Variants in ETNK1 observed in about 807,000 individuals in gnomAD.
The protein encoded by ETNK1 is putative protein product of Nbla10396.
Under a neutral mutation model 45.1 loss-of-function variants are expected in ETNK1, and 8 were observed. That is an observed-to-expected ratio of 0.18 (90% confidence interval 0.10 to 0.32). The LOEUF is 0.32. ETNK1 is among the 10% of genes least tolerant of loss of function. The pLI is 1.00. For synonymous variants in ETNK1, 152 were observed against 151.9 expected (o/e 1.00, Z -0.01); for missense variants, 302 against 430.6 (o/e 0.70, Z 2.64).
intron 1 of ETNK1, among the ~76,000 whole-genome samples, chr12:22,629,286 C>A (rs1020849930): frequency 1.3e-5 from 2 of 152,032 alleles, no homozygotes; most frequent in African/African-American, 2.4e-5. Context: ...GCAAAGATTA[C>A]CCAAGAAGTT....
chr12:22,658,874 T>A, intron 2 of ETNK1, 140 bp from the exon 3 acceptor site: 1 of 745,512 alleles, frequency 1.3e-6, no homozygotes. Context: ...TTGCTAAAAC[T>A]GGTTTTTACA....
At chr12:22,678,611 A>C (rs1954183654) in intron 6 of ETNK1, among the ~76,000 whole-genome samples, 1 of 152,226 alleles carries the variant, frequency 6.6e-6, no homozygotes, top group Non-Finnish European at 1.5e-5. Context: ...TCAATAGATG[A>C]GGTACATTAA....
At chr12:22,666,326 A>G (rs917966200) in intron 4 of ETNK1, among the ~76,000 whole-genome samples, 8 of 152,202 alleles carry the variant, frequency 5.3e-5, no homozygotes, top group East Asian at 3.8e-4. Context: ...TAAGGAAACC[A>G]AAAGCAGCAG....
intron 2 of ETNK1, among the ~76,000 whole-genome samples, chr12:22,647,823 C>G (rs1953825192): frequency 6.6e-6 from 1 of 151,692 alleles, no homozygotes; most frequent in South Asian, 2.1e-4. Flanking sequence ...TCTCTGAAGC[C>G]TTGAGGGTTT....
At chr12:22,671,104 C>A in intron 4 of ETNK1, 168 bp from the exon 5 acceptor site, 2 of 582,546 alleles carry the variant, frequency 3.4e-6, no homozygotes, top group Non-Finnish European at 6.0e-6. Context: ...TTGTAAAGCT[C>A]ATTGCCATAA....
At position 22,685,719 on chromosome 12, in the gene ETNK1, C is replaced by T. The variant is rs375195492; in HGVS notation, c.*765C>T. On this transcript the variant is annotated 3_prime_UTR_variant, in exon 8 of 8. Transcript: ENST00000266517. ...AATGTTTTCAAATGCTAAATATGGT[C>T]GTTACTATTTTCAGTTTTAAAAATT... The T allele has an allele frequency of 1.3e-4, 19 of 151,390 alleles. No homozygotes were observed. The East Asian group carries it at 2.7e-3, about 22-fold the overall frequency. 9.4% of individuals were successfully genotyped at this position (151,390 alleles called of 1,614,324 possible).
chr12:22,673,917 T>G (rs573261265), intron 6 of ETNK1, among the ~76,000 whole-genome samples: 1 of 152,316 alleles, frequency 6.6e-6, no homozygotes, highest in South Asian at 2.1e-4. Flanking sequence ...TAATTATTTG[T>G]TTAATGAGTA....
At chr12:22,637,381 T>G (rs551187058) in intron 1 of ETNK1, among the ~76,000 whole-genome samples, 1 of 152,246 alleles carries the variant, frequency 6.6e-6, no homozygotes, top group Non-Finnish European at 1.5e-5. Context: ...TACTTTGCCT[T>G]GGCCAAGAGT....
At chr12:22,642,951 T>A (rs925691555) in intron 1 of ETNK1, among the ~76,000 whole-genome samples, 1 of 152,016 alleles carries the variant, frequency 6.6e-6, no homozygotes, top group Non-Finnish European at 1.5e-5. Flanking sequence ...AAATACACCG[T>A]CTGTGCTCAA....
chr12:22,684,811 G>T, intron 7 of ETNK1, 71 bp from the exon 8 acceptor site: 2 of 1,214,252 alleles, frequency 1.6e-6, no homozygotes, highest in South Asian at 1.3e-5. Flanking sequence ...TTAGAGGACT[G>T]AGTGAAAATA....
chr12:22,683,274 T>A (rs77753152), intron 6 of ETNK1, among the ~76,000 whole-genome samples: 1 of 151,768 alleles, frequency 6.6e-6, no homozygotes, highest in Non-Finnish European at 1.5e-5. Flanking sequence ...TTTTTTTTTT[T>A]AAGAGACAGT....
chr12:22,644,242 A>C (rs1341602025), intron 2 of ETNK1: 1 of 1,607,422 alleles, frequency 6.2e-7, no homozygotes, highest in South Asian at 1.1e-5. Flanking sequence ...CAAAGGAAAA[A>C]CTACAAGATG....
chr12:22,688,545 T>C lies in ETNK1; in HGVS notation c.*3591T>C, dbSNP rs1954279173. ...CTTCATAATATAAGTGAAAATACTG[T>C]CATTTCAATTTTCTGCTTTAAATTG... On this transcript the variant is annotated 3_prime_UTR_variant, in exon 8 of 8. Transcript: ENST00000266517. 6.6e-6 allele frequency: 1 copy of C among 152,364 alleles called. No homozygotes were observed. Among genetic ancestry groups the C allele is most frequent in the African/African-American group, 2.4e-5 (1 of 41,432 alleles). The allele number at this position is 152,364 out of a possible 1,614,324, so 9.4% of individuals were successfully genotyped here. A position where few individuals can be genotyped will look rare whatever the true frequency, so the allele number is the denominator to read the frequency against.
At position 22,686,080 on chromosome 12, in the gene ETNK1, G is replaced by A. The variant is rs1048704068; in HGVS notation, c.*1126G>A. On this transcript the variant is annotated 3_prime_UTR_variant, in exon 8 of 8. Transcript: ENST00000266517. ...TATATAATTAAATAAGGAACACTTA[G>A]GGCATTGATCTTGTACACTTAAAAT... The A allele has an allele frequency of 3.3e-5, 5 of 152,202 alleles. No individual in the cohort carries two copies. The highest frequency in any genetic ancestry group is 2.6e-4 in the Admixed American group (4 of 15,236). 9.4% of individuals were successfully genotyped at this position (152,202 alleles called of 1,614,324 possible).
Position 22,689,277 on chromosome 12 carries a change from C to T in ETNK1, c.*4323C>T, listed in dbSNP as rs369209435. 5.8e-4 allele frequency: 88 copies of T among 151,916 alleles called. No individual in the cohort carries two copies. The highest frequency in any genetic ancestry group is 1.9e-3 in the African/African-American group (80 of 41,518). The allele number at this position is 151,916 out of a possible 1,614,324, so 9.4% of individuals were successfully genotyped here. A position where few individuals can be genotyped will look rare whatever the true frequency, so the allele number is the denominator to read the frequency against. Reference sequence around the variant, plus strand: ...CTGTTTTAAACTATTTTGTGTTTGACGCATCAAACTTCAAGTTTTTTGTAA... The same window carrying T: ...CTGTTTTAAACTATTTTGTGTTTGATGCATCAAACTTCAAGTTTTTTGTAA... On this transcript the variant is annotated 3_prime_UTR_variant, in exon 8 of 8. Coordinates refer to ENST00000266517, the MANE Select transcript of ETNK1 (RefSeq NM_018638.5).
chr12:22,684,176 A>C (rs1353355394), intron 6 of ETNK1, among the ~76,000 whole-genome samples: 1 of 152,164 alleles, frequency 6.6e-6, no homozygotes, highest in East Asian at 1.9e-4. Flanking sequence ...TAACCATTAA[A>C]AACACTAACA....
In ETNK1 at chr12:22,690,399, C is replaced by T. The variant is rs1954294266; in HGVS notation, c.*5445C>T. ...ACTGTTAATTTAAATAAAATTTGTT[C>T]TGTGGATAAAATGAGGTTGGCAGTG... On this transcript the variant is annotated 3_prime_UTR_variant, in exon 8 of 8. Coordinates refer to ENST00000266517, the MANE Select transcript of ETNK1 (RefSeq NM_018638.5). 1 of 152,374 alleles carries T rather than the reference C, an allele frequency of 6.6e-6. No individual in the cohort carries two copies. The highest frequency in any genetic ancestry group is 1.5e-5 in the Non-Finnish European group (1 of 67,908). 9.4% of individuals were successfully genotyped at this position (152,374 alleles called of 1,614,324 possible).
intron 5 of ETNK1, among the ~76,000 whole-genome samples, chr12:22,671,744 C>T (rs1057498537): frequency 1.3e-5 from 2 of 149,522 alleles, no homozygotes; most frequent in Non-Finnish European, 3.0e-5. Context: ...GAGGCTGAGG[C>T]AGGAGAATGG....
At chr12:22,627,874 G>C (rs570525752) in intron 1 of ETNK1, among the ~76,000 whole-genome samples, 3 of 151,902 alleles carry the variant, frequency 2.0e-5, no homozygotes, top group African/African-American at 7.2e-5. Flanking sequence ...ACTATCCAGA[G>C]CATATCAGAA....
Sources: gnomAD v4.1 joint callset for allele counts (sites outside exome capture counted in the v4.1 genomes callset) on GRCh38, gnomAD v4.1.1 for gene constraint, MANE v1.5 for transcripts, NCBI Gene and HGNC (gene_info 2026-07-23, HGNC 2026-07-21) for gene names.